PTPRT: variants seen among roughly 807,000 people sequenced by gnomAD.
PTPRT encodes the protein receptor-type tyrosine-protein phosphatase T.
Under a neutral mutation model 176.8 loss-of-function variants are expected in PTPRT, and 56 were observed. That is an observed-to-expected ratio of 0.32 (90% CI 0.26 to 0.40). PTPRT has a LOEUF of 0.40. PTPRT is among the 10% of genes least tolerant of loss of function. The pLI, the probability that PTPRT is intolerant of heterozygous loss-of-function variation, is 1.00. For missense variants in PTPRT, 1,540 were observed against 1,908.2 expected, an observed-to-expected ratio of 0.81 and a Z score of 3.60; for synonymous variants, 783 against 739.0, an observed-to-expected ratio of 1.06 and a Z score of -0.96.
chr20:43,009,272 C>T (rs1285893341), intron 1 of PTPRT, among the ~76,000 whole-genome samples: 1 of 152,224 alleles, frequency 6.6e-6, no homozygotes, highest in Non-Finnish European at 1.5e-5. Flanking sequence ...CATTTACCCA[C>T]TCGCTGACAT....
At chr20:43,008,690 C>G (rs773738420) in intron 1 of PTPRT, among the ~76,000 whole-genome samples, 1 of 151,884 alleles carries the variant, frequency 6.6e-6, no homozygotes, top group Non-Finnish European at 1.5e-5. Context: ...GACTCCATCT[C>G]AAAAAACAAA....
intron 3 of PTPRT, among the ~76,000 whole-genome samples, chr20:42,785,991 G>A (rs549949083): frequency 6.6e-6 from 1 of 152,262 alleles, no homozygotes; most frequent in African/African-American, 2.4e-5. Flanking sequence ...ATTGGATCAT[G>A]GGGGTGGTTT....
chr20:42,669,053 G>A (rs2425510), intron 7 of PTPRT, among the ~76,000 whole-genome samples: 5,873 of 151,888 alleles, frequency 0.039, 414 homozygotes, highest in African/African-American at 0.13. Flanking sequence ...CCATAACCGA[G>A]TATGATCAGA....
chr20:42,332,749 G>A (rs1437964790), intron 11 of PTPRT, among the ~76,000 whole-genome samples: 3 of 152,084 alleles, frequency 2.0e-5, no homozygotes, highest in Non-Finnish European at 4.4e-5. Context: ...CTAGAATTTG[G>A]AAAACTTGTA....
At chr20:42,405,837 CATCCT>C (rs1264675939) in intron 9 of PTPRT, among the ~76,000 whole-genome samples, 1 of 152,170 alleles carries the variant, frequency 6.6e-6, no homozygotes, top group East Asian at 1.9e-4. Flanking sequence ...TATTTCTCCA[CATCCT>C]CTCCAGCGCC....
chr20:43,174,991 A>C (rs1258263929), intron 1 of PTPRT, among the ~76,000 whole-genome samples: 1 of 152,268 alleles, frequency 6.6e-6, no homozygotes, highest in East Asian at 1.9e-4. Context: ...GACATTTCAC[A>C]GATGGGAAAG....
chr20:42,056,952 A>C, the PTPRT span, among the ~76,000 whole-genome samples: 3 of 152,184 alleles, frequency 2.0e-5, no homozygotes, highest in African/African-American at 7.2e-5. Flanking sequence ...ATCCCAGCGC[A>C]ATCATCCCTT....
At chr20:42,146,058 C>T (rs759191556) in intron 17 of PTPRT, among the ~76,000 whole-genome samples, 4 of 152,118 alleles carry the variant, frequency 2.6e-5, no homozygotes, top group Non-Finnish European at 5.9e-5. Context: ...TCCATATTGC[C>T]ACCAGTTTAG....
chr20:42,302,854 G>A lies in PTPRT; in HGVS notation c.2139+12869C>T, dbSNP rs1253543793. ...ATGCAAATGGGGTGTGGGAGACTGG[G>A]TTTAAGCCATGGCTCTGATCTTGAG... On this transcript the variant is annotated intron_variant, in intron 12 of 30. Coordinates refer to ENST00000373187, the MANE Select transcript of PTPRT (RefSeq NM_007050.6). Among the ~76,000 whole-genome samples the A allele has an allele frequency of 3.3e-5, 5 of 152,194 alleles. No individual in the cohort carries two copies. In the South Asian group the frequency reaches 1.0e-3, roughly 31 times the overall value.
At chr20:42,804,781 C>T (rs778767848) in intron 2 of PTPRT, among the ~76,000 whole-genome samples, 10 of 152,190 alleles carry the variant, frequency 6.6e-5, no homozygotes, top group Non-Finnish European at 1.5e-4. Context: ...TAGATGTACC[C>T]CTCCTCCTTA....
chr20:42,955,361 G>T lies in PTPRT; in HGVS notation c.89-69429C>A, dbSNP rs199903820. Among the ~76,000 whole-genome samples the T allele has an allele frequency of 7.9e-5, 12 of 152,228 alleles. No individual in the cohort carries two copies. The East Asian group carries it at 1.9e-3, about 25-fold the overall frequency. On this transcript the variant is annotated intron_variant, in intron 1 of 30. Transcript: ENST00000373187. ...CCTGCATTAAAAGCCTACAATCCCAGAATTTCCCACACTTGCTTTTTATGT... is the reference window on the plus strand; with the variant it reads ...CCTGCATTAAAAGCCTACAATCCCATAATTTCCCACACTTGCTTTTTATGT...
chr20:43,119,251 T>C (rs1385088171), intron 1 of PTPRT, among the ~76,000 whole-genome samples: 1 of 152,234 alleles, frequency 6.6e-6, no homozygotes, highest in Non-Finnish European at 1.5e-5. Context: ...TTGTTTATCA[T>C]CATTTAGCTC....
chr20:42,343,791 C>T (rs1335241214), intron 11 of PTPRT, among the ~76,000 whole-genome samples: 1 of 152,230 alleles, frequency 6.6e-6, no homozygotes, highest in South Asian at 2.1e-4. Flanking sequence ...GGAGGATACA[C>T]AGCAGATAGG....
At chr20:42,268,849 C>G (rs1181606142) in intron 13 of PTPRT, among the ~76,000 whole-genome samples, 2 of 152,176 alleles carry the variant, frequency 1.3e-5, no homozygotes, top group East Asian at 3.9e-4. Context: ...CAGCCCCAAT[C>G]TCCTTTACTG....
At chr20:42,541,150 C>G (rs540438771) in intron 7 of PTPRT, among the ~76,000 whole-genome samples, 1 of 152,128 alleles carries the variant, frequency 6.6e-6, no homozygotes, top group Admixed American at 6.5e-5. Flanking sequence ...AAAAAATATA[C>G]AATGTGATGT....
intron 2 of PTPRT, among the ~76,000 whole-genome samples, chr20:42,863,646 G>A (rs891336361): frequency 5.3e-5 from 8 of 152,140 alleles, no homozygotes; most frequent in Non-Finnish European, 8.8e-5. Context: ...GTCAGTGGTC[G>A]TGAGCTCCTC....
At chr20:42,278,343 G>A (rs772370137) in intron 13 of PTPRT, among the ~76,000 whole-genome samples, 168 of 151,568 alleles carry the variant, frequency 1.1e-3, no homozygotes, top group Non-Finnish European at 1.3e-3. Context: ...GGCAAGATGA[G>A]CGAAGGCCCC....
chr20:42,822,274 C>T (rs560860819), intron 2 of PTPRT, among the ~76,000 whole-genome samples: 74 of 152,270 alleles, frequency 4.9e-4, no homozygotes, highest in African/African-American at 1.7e-3. Flanking sequence ...TGATCTTCAA[C>T]AAACCTGACA....
At chr20:42,128,394 G>T (rs1438614317) in intron 19 of PTPRT, among the ~76,000 whole-genome samples, 1 of 151,890 alleles carries the variant, frequency 6.6e-6, no homozygotes, top group African/African-American at 2.4e-5. Context: ...TAGCATTATG[G>T]TTCCCATAGC....
Sources: allele counts gnomAD v4.1 joint callset (sites outside exome capture counted in the v4.1 genomes callset), GRCh38; gene constraint gnomAD v4.1.1; transcripts MANE v1.5; gene names NCBI Gene and HGNC (gene_info 2026-07-23, HGNC 2026-07-21).